The following BMERB1 variants were observed in gnomAD, a reference collection of about 807,000 sequenced individuals.
BMERB1 encodes the protein bMERB domain-containing protein 1.
BMERB1 carries 12 observed loss-of-function variants against 23.6 expected under a neutral mutation model. The ratio of observed to expected loss-of-function variants is 0.51; its 90% CI spans 0.33 to 0.82. The LOEUF (loss-of-function observed/expected upper bound fraction) is 0.82. Ranked by LOEUF, BMERB1 falls within the 40% of genes least tolerant of loss-of-function variation. The pLI is 0.03. For synonymous variants in BMERB1, 122 were observed against 96.6 expected, an observed-to-expected ratio of 1.26 and a Z score of -1.54; for missense variants, 247 against 255.4, an observed-to-expected ratio of 0.97 and a Z score of 0.22.
intron 1 of BMERB1, among the ~76,000 whole-genome samples, chr16:15,496,980 G>A (rs1405105844): frequency 6.6e-6 from 1 of 152,198 alleles, no homozygotes; most frequent in Non-Finnish European, 1.5e-5. Context: ...ATGAAGCAAG[G>A]GGCCATAAGC....
intron 1 of BMERB1, among the ~76,000 whole-genome samples, chr16:15,497,505 G>T (rs2051484360): frequency 6.6e-6 from 1 of 152,118 alleles, no homozygotes; most frequent in African/African-American, 2.4e-5. Context: ...TATCAAGAAA[G>T]AAAAAAACTG....
intron 2 of BMERB1, among the ~76,000 whole-genome samples, chr16:15,545,355 A>G (rs2052123658): frequency 6.6e-6 from 1 of 152,192 alleles, no homozygotes; most frequent in Admixed American, 6.5e-5. Context: ...GCCCAGTACC[A>G]ATCGATAGAA....
intron 2 of BMERB1, among the ~76,000 whole-genome samples, chr16:15,559,381 C>T (rs76378606): frequency 2.0e-5 from 3 of 152,254 alleles, no homozygotes; most frequent in East Asian, 1.9e-4. Context: ...CAGTCATGCC[C>T]GCTGCAACTC....
At chr16:15,435,409 TTC>T (rs2050879829) in intron 1 of BMERB1, among the ~76,000 whole-genome samples, 1 of 152,196 alleles carries the variant, frequency 6.6e-6, no homozygotes, top group Non-Finnish European at 1.5e-5. Flanking sequence ...TATTTACTGG[TTC>T]TCTCTGCGGT....
At chr16:15,567,828 C>T (rs1202248593) in intron 2 of BMERB1, among the ~76,000 whole-genome samples, 155 bp from the exon 3 acceptor site, 1 of 152,202 alleles carries the variant, frequency 6.6e-6, no homozygotes, top group Non-Finnish European at 1.5e-5. Flanking sequence ...CAGTGTTTGG[C>T]TTTTTCCTTT....
At chr16:15,498,035 A>T (rs187553627) in intron 1 of BMERB1, among the ~76,000 whole-genome samples, 10 of 152,324 alleles carry the variant, frequency 6.6e-5, no homozygotes, top group African/African-American at 2.4e-4. Flanking sequence ...AACCCTTGAG[A>T]TAGATGTTAT....
At chr16:15,496,382 A>G (rs1043548493) in intron 1 of BMERB1, among the ~76,000 whole-genome samples, 6 of 152,112 alleles carry the variant, frequency 3.9e-5, no homozygotes, top group Non-Finnish European at 5.9e-5. Flanking sequence ...TTCAATCCTC[A>G]CTGCATCCAA....
intron 3 of BMERB1, among the ~76,000 whole-genome samples, chr16:15,570,210 G>A (rs2030688603): frequency 6.6e-6 from 1 of 152,190 alleles, no homozygotes; most frequent in African/African-American, 2.4e-5. Context: ...TCTGCAGCAA[G>A]CTCTGAACCT....
intron 2 of BMERB1, among the ~76,000 whole-genome samples, chr16:15,523,610 T>C (rs2051878014): frequency 6.6e-6 from 1 of 152,200 alleles, no homozygotes; most frequent in Non-Finnish European, 1.5e-5. Flanking sequence ...ATTCTACTTC[T>C]TACCAACTGT....
rs191743099 is a variant in BMERB1 at position 15,504,218 on chromosome 16, C to T, written c.107-11087C>T. Among the ~76,000 whole-genome samples, 440 of 152,308 alleles carry T rather than the reference C, an allele frequency of 2.9e-3. 5 individuals carry two copies. Among genetic ancestry groups the T allele is most frequent in the African/African-American group, 0.01 (425 of 41,558 alleles). Reference sequence around the variant, plus strand: ...CTCTCTTGCCCTCTTCAAGGGCTGGCCTGGCTCCCCATGGTGCCTGCACAC... The same window carrying T: ...CTCTCTTGCCCTCTTCAAGGGCTGGTCTGGCTCCCCATGGTGCCTGCACAC... On this transcript the variant is annotated intron_variant, in intron 1 of 5. Transcript: ENST00000300006.
intron 2 of BMERB1, among the ~76,000 whole-genome samples, chr16:15,560,952 C>CTTTTTTTTTTT (rs1166759122): frequency 7.5e-5 from 8 of 106,656 alleles, no homozygotes; most frequent in African/African-American, 1.6e-4. Flanking sequence ...TTCTCTGCTG[C>CTTTTTTTTTTT]TTTTTTTTTT....
chr16:15,443,581 C>A (rs762449724), intron 1 of BMERB1, among the ~76,000 whole-genome samples: 11 of 151,734 alleles, frequency 7.2e-5, no homozygotes, highest in Non-Finnish European at 1.2e-4. Context: ...AAAAATCCAC[C>A]GCAACTTATA....
intron 1 of BMERB1, among the ~76,000 whole-genome samples, chr16:15,435,300 G>A (rs561162121): frequency 6.6e-6 from 1 of 152,286 alleles, no homozygotes; most frequent in African/African-American, 2.4e-5. Flanking sequence ...GCGGCAAAAG[G>A]GTCAAAAGGC....
At chr16:15,567,879 A>G in intron 2 of BMERB1, 104 bp from the exon 3 acceptor site, 1 of 1,095,910 alleles carries the variant, frequency 9.1e-7, no homozygotes, top group Non-Finnish European at 1.3e-6. Context: ...GGCCTCTTCA[A>G]AAGATAACCC....
At chr16:15,459,850 G>T (rs1453114207) in intron 1 of BMERB1, among the ~76,000 whole-genome samples, 2 of 152,154 alleles carry the variant, frequency 1.3e-5, no homozygotes, top group African/African-American at 4.8e-5. Context: ...TCATTTTTAG[G>T]TGTAGGGAAG....
intron 2 of BMERB1, among the ~76,000 whole-genome samples, chr16:15,547,850 A>C (rs927084227): frequency 2.6e-5 from 4 of 152,016 alleles, no homozygotes; most frequent in African/African-American, 7.2e-5. Flanking sequence ...GAGCCACTTA[A>C]CCTCTCTGAG....
chr16:15,512,407 C>G (rs2051679694), intron 1 of BMERB1, among the ~76,000 whole-genome samples: 1 of 152,160 alleles, frequency 6.6e-6, no homozygotes, highest in Non-Finnish European at 1.5e-5. Flanking sequence ...GTGCAAGGGC[C>G]AGGGCCCCAG....
At chr16:15,548,530 G>A (rs992642685) in intron 2 of BMERB1, among the ~76,000 whole-genome samples, 5 of 152,146 alleles carry the variant, frequency 3.3e-5, no homozygotes, top group African/African-American at 1.2e-4. Context: ...AGCAGTGGGA[G>A]TATTTACACC....
At chr16:15,510,904 G>A (rs2051656185) in intron 1 of BMERB1, among the ~76,000 whole-genome samples, 1 of 152,046 alleles carries the variant, frequency 6.6e-6, no homozygotes, top group African/African-American at 2.4e-5. Flanking sequence ...ATTTCACCGT[G>A]TTGGTCACAC....
Sources: allele counts gnomAD v4.1 joint callset (sites outside exome capture counted in the v4.1 genomes callset), GRCh38; gene constraint gnomAD v4.1.1; transcripts MANE v1.5; gene names NCBI Gene and HGNC (gene_info 2026-07-23, HGNC 2026-07-21).